ITSN1: variants seen among roughly 807,000 people sequenced by gnomAD.
ITSN1 encodes the protein intersectin 1, also known as intersectin-1.
ITSN1 carries 58 observed loss-of-function variants against 239.8 expected under a neutral mutation model. The observed-to-expected ratio is 0.24, with a 90% CI of 0.20 to 0.30. The LOEUF is 0.30. Among genes scored for constraint, ITSN1 ranks in the 10% least tolerant of loss-of-function variants. ITSN1 has a pLI of 1.00. For missense variants in ITSN1, 1,558 were observed against 2,103.3 expected (o/e 0.74, Z 5.07); for synonymous variants, 780 against 770.8 (o/e 1.01, Z -0.20).
intron 5 of ITSN1, among the ~76,000 whole-genome samples, chr21:33,748,415 C>T (rs998444650): frequency 1.3e-5 from 2 of 152,018 alleles, no homozygotes; most frequent in African/African-American, 4.8e-5. Flanking sequence ...CGTGACTGTA[C>T]TTCAGCCTGG....
chr21:33,658,779 C>A lies in ITSN1; in HGVS notation c.-33+16066C>A, dbSNP rs550551534. Among the ~76,000 whole-genome samples, 7 of 152,272 alleles carry A rather than the reference C, an allele frequency of 4.6e-5. No homozygotes were observed. The South Asian group carries it at 1.5e-3, about 32-fold the overall frequency. On this transcript the variant is annotated intron_variant, in intron 1 of 39. Transcript: ENST00000381318. Reference sequence around the variant, plus strand: ...TCTATCCTTTTGTTCATTGTTTCAGCAGTTATTTATTGATTACTTACTGTG... The same window carrying A: ...TCTATCCTTTTGTTCATTGTTTCAGAAGTTATTTATTGATTACTTACTGTG...
At position 33,772,223 on chromosome 21, in the gene ITSN1, A is replaced by G; in HGVS notation, c.1205A>G (p.Glu402Gly). Residue 402 changes from glutamate to glycine, a missense_variant, in exon 12 of 40, where the codon GAG becomes GGG. Physicochemically the swap from Glu to Gly is moderately conservative, Grantham distance 98. Around this residue, in one of 2 missense-constraint regions of ITSN1, gnomAD observed 982 missense variants for 1,209.9 expected, o/e 0.81. Transcript: ENST00000381318. ...ERKERERQEQ[E>G]RKRQLELEKQ... ...AAGGAGCGTGAGCGCCAGGAGCAAG[A>G]GCGCAAAAGACAACTGGAACTGGAG... The G allele has an allele frequency of 6.2e-7, 1 of 1,612,100 alleles. No individual in the cohort carries two copies. Among genetic ancestry groups the G allele is most frequent in the African/African-American group, 1.3e-5 (1 of 75,014 alleles).
chr21:33,701,502 A>T (rs2092007981), intron 1 of ITSN1, among the ~76,000 whole-genome samples: 1 of 151,972 alleles, frequency 6.6e-6, no homozygotes, highest in South Asian at 2.1e-4. Context: ...TTTAATTTTT[A>T]AAAAATTTGG....
chr21:33,670,895 T>C (rs1050694271), intron 1 of ITSN1, among the ~76,000 whole-genome samples: 1 of 152,238 alleles, frequency 6.6e-6, no homozygotes, highest in African/African-American at 2.4e-5. Flanking sequence ...TGTAATGACA[T>C]GTTCTCTAAA....
rs151127453 is a variant in ITSN1, at chr21:33,710,444, T to C, written c.-32-8353T>C. Reference sequence around the variant, plus strand: ...AAAAAAATATCTGTTCACATGATCATATGGGCTTTCTGCTTTATTCTGCTA... The same window carrying C: ...AAAAAAATATCTGTTCACATGATCACATGGGCTTTCTGCTTTATTCTGCTA... On this transcript the variant is annotated intron_variant, in intron 1 of 39. Transcript: ENST00000381318. 7.0e-3 allele frequency among the ~76,000 whole-genome samples: 1,069 copies of C among 152,282 alleles called. 8 individuals carry two copies. The highest frequency in any genetic ancestry group is 0.024 in the African/African-American group (1,010 of 41,558).
chr21:33,809,600 A>G (rs942021107), intron 20 of ITSN1, among the ~76,000 whole-genome samples: 2 of 152,212 alleles, frequency 1.3e-5, no homozygotes, highest in African/African-American at 4.8e-5. Context: ...TGAATGGATT[A>G]GATAACTGGT....
chr21:33,689,513 T>C (rs2091406849), intron 1 of ITSN1: 1 of 151,826 alleles, frequency 6.6e-6, no homozygotes, highest in Admixed American at 6.6e-5. Flanking sequence ...CTACAAAAAA[T>C]AACAATAAAT....
intron 36 of ITSN1, 52 bp from the exon 37 acceptor site, chr21:33,884,989 A>G (rs1985543175): frequency 7.5e-7 from 1 of 1,341,954 alleles, no homozygotes; most frequent in East Asian, 2.3e-5. Context: ...ACAGACCTGA[A>G]GCCTTTTTCC....
chr21:33,653,418 T>G (rs1447083709), intron 1 of ITSN1, among the ~76,000 whole-genome samples: 1 of 152,196 alleles, frequency 6.6e-6, no homozygotes, highest in Non-Finnish European at 1.5e-5. Flanking sequence ...CTCTAAGACT[T>G]CTATGCTTTT....
At chr21:33,692,612 C>T (rs1460310232) in intron 1 of ITSN1, among the ~76,000 whole-genome samples, 2 of 152,156 alleles carry the variant, frequency 1.3e-5, no homozygotes, top group East Asian at 3.9e-4. Flanking sequence ...TTTCTTTATA[C>T]AACAGAATAA....
In ITSN1 at chr21:33,797,457, C is replaced by T. The variant is rs768573236; in HGVS notation, c.2031C>T (p.His677=). Residue 677 remains histidine (H), a synonymous_variant, in exon 18 of 40, where the codon CAC becomes CAT. Transcript: ENST00000381318. This position sits in a 1 kb window ranked among gnomAD's most constrained non-coding sequence, Gnocchi z 4.9. ...EDEHQRPRKL[H]EEEKLKREES... ...AGCATCAGAGACCAAGAAAACTCCA[C>T]GAAGAGGAAAAACTGAAAAGGGAGG... 21 of 1,613,892 alleles carry T rather than the reference C, an allele frequency of 1.3e-5. No individual in the cohort carries two copies. Among genetic ancestry groups the T allele is most frequent in the South Asian group, 1.1e-4 (10 of 91,074 alleles).
chr21:33,793,440 G>A (rs2071304393), intron 16 of ITSN1, among the ~76,000 whole-genome samples: 2 of 152,286 alleles, frequency 1.3e-5, no homozygotes, highest in Admixed American at 6.5e-5. Context: ...CTGATTTATC[G>A]CTGGCCCACA....
chr21:33,810,341 A>G (rs1245327971), intron 20 of ITSN1, among the ~76,000 whole-genome samples: 1 of 152,220 alleles, frequency 6.6e-6, no homozygotes, highest in Non-Finnish European at 1.5e-5. Context: ...TTTATACAAA[A>G]GAAAACTACA....
At chr21:33,705,399 G>GT (rs1269897314) in intron 1 of ITSN1, among the ~76,000 whole-genome samples, 1 of 151,930 alleles carries the variant, frequency 6.6e-6, no homozygotes, top group Admixed American at 6.6e-5. Flanking sequence ...TTTATTATTT[G>GT]TTTTTTGAGA....
rs116178925 is a variant in ITSN1, at chr21:33,852,289, A to G, written c.3662-4447A>G. ...AAGGTCTGTTTATTTGCTTTGCTCA[A>G]TGGGCAACTTGCTGTGGGGGCTGGC... On this transcript the variant is annotated intron_variant, in intron 29 of 39. Coordinates refer to ENST00000381318, the MANE Select transcript of ITSN1 (RefSeq NM_003024.3). 5.1e-3 allele frequency among the ~76,000 whole-genome samples: 781 copies of G among 152,270 alleles called. 9 individuals carry two copies. The highest frequency in any genetic ancestry group is 0.017 in the African/African-American group (689 of 41,550).
rs931709318 is a variant in ITSN1, at chr21:33,872,207, C to T, written c.4174-3147C>T. ...AATTGATACAGCCTTTTTTGGAAGG[C>T]GATTATAGATCAAACTATAATTCCT... On this transcript the variant is annotated intron_variant, in intron 33 of 39. Transcript: ENST00000381318. 3.9e-5 allele frequency among the ~76,000 whole-genome samples: 6 copies of T among 152,208 alleles called. No individual in the cohort carries two copies. The East Asian group carries it at 7.7e-4, about 20-fold the overall frequency.
chr21:33,799,187 C>T (rs372703403), intron 18 of ITSN1, among the ~76,000 whole-genome samples: 2 of 152,168 alleles, frequency 1.3e-5, no homozygotes, highest in African/African-American at 4.8e-5. Flanking sequence ...CATTTTATTT[C>T]ATGTAAAATC....
intron 21 of ITSN1, among the ~76,000 whole-genome samples, chr21:33,813,539 G>T (rs916780362): frequency 6.6e-6 from 1 of 151,998 alleles, no homozygotes; most frequent in African/African-American, 2.4e-5. Flanking sequence ...TTTTAGTAGA[G>T]ATGGGGTTTC....
intron 1 of ITSN1, among the ~76,000 whole-genome samples, chr21:33,665,138 T>C (rs7282033): frequency 0.044 from 6,664 of 151,822 alleles, 447 homozygotes; most frequent in African/African-American, 0.15. Flanking sequence ...TGGCGGGTGC[T>C]TGTAATCCCA....
Sources: gnomAD v4.1 joint callset for allele counts (sites outside exome capture counted in the v4.1 genomes callset) on GRCh38, gnomAD v4.1.1 for gene constraint, gnomAD v4.1.1 regional missense constraint, Gnocchi (gnomAD v3.1) non-coding constraint, MANE v1.5 for transcripts, NCBI Gene and HGNC (gene_info 2026-07-23, HGNC 2026-07-21) for gene names.